The following GRB10 variants were observed in gnomAD, a reference collection of about 807,000 sequenced individuals.
The protein encoded by GRB10 is growth factor receptor bound protein 10.
Under a neutral mutation model 80.9 loss-of-function variants are expected in GRB10, and 20 were observed. The ratio of observed to expected loss-of-function variants is 0.25; its 90% confidence interval spans 0.17 to 0.36. The LOEUF is 0.36. Ranked by LOEUF, GRB10 falls within the 10% of genes least tolerant of loss-of-function variation. The pLI, the probability that GRB10 is intolerant of heterozygous loss-of-function variation, is 1.00. For missense variants in GRB10, 548 were observed against 747.7 expected (o/e 0.73, Z 3.12); for synonymous variants, 291 against 291.5 (o/e 1.00, Z 0.02).
intron 10 of GRB10, 73 bp from the exon 11 acceptor site, chr7:50,616,420 A>G (rs2050653087): frequency 7.2e-7 from 1 of 1,381,568 alleles, no homozygotes. Context: ...TTATCAGCAT[A>G]GCTGACATTT....
At chr7:50,672,628 C>G (rs1422206187) in intron 6 of GRB10, among the ~76,000 whole-genome samples, 1 of 152,160 alleles carries the variant, frequency 6.6e-6, no homozygotes, top group Non-Finnish European at 1.5e-5. Context: ...AGGGACTTAG[C>G]GCAGGTAGTC....
At chr7:50,767,748 AGCCACTAGGCCC>A (rs1442569005) in intron 2 of GRB10, among the ~76,000 whole-genome samples, 1 of 152,124 alleles carries the variant, frequency 6.6e-6, no homozygotes, top group Non-Finnish European at 1.5e-5. Context: ...CCCAGCAGTG[AGCCACTAGGCCC>A]GCCATGTTGG....
chr7:50,671,391 T>C (rs1417903587), intron 6 of GRB10, among the ~76,000 whole-genome samples: 6 of 152,324 alleles, frequency 3.9e-5, no homozygotes, highest in Admixed American at 2.6e-4. Context: ...TGTGACTGTA[T>C]TACTTTTTCT....
intron 17 of GRB10, among the ~76,000 whole-genome samples, chr7:50,600,460 GATAA>G (rs2047407147): frequency 6.6e-6 from 1 of 152,126 alleles, no homozygotes; most frequent in South Asian, 2.1e-4. Flanking sequence ...CAGCAGTGAG[GATAA>G]ATAAACCCAA....
At chr7:50,743,122 T>C (rs1193775578) in intron 3 of GRB10, among the ~76,000 whole-genome samples, 1 of 152,196 alleles carries the variant, frequency 6.6e-6, no homozygotes, top group Non-Finnish European at 1.5e-5. Flanking sequence ...CCACAATGCA[T>C]TGATGGGAGA....
At chr7:50,657,193 C>T (rs1259334859) in intron 7 of GRB10, among the ~76,000 whole-genome samples, 4 of 152,070 alleles carry the variant, frequency 2.6e-5, no homozygotes, top group Non-Finnish European at 4.4e-5. Context: ...GATAAAATGC[C>T]GAGGGGCCAG....
intron 17 of GRB10, among the ~76,000 whole-genome samples, chr7:50,596,858 T>C (rs1478383972): frequency 6.6e-6 from 1 of 152,122 alleles, no homozygotes; most frequent in Non-Finnish European, 1.5e-5. Flanking sequence ...TAAATTAGAA[T>C]AGCACAAAAA....
chr7:50,683,202 T>C (rs918239016), intron 5 of GRB10, among the ~76,000 whole-genome samples: 5 of 152,166 alleles, frequency 3.3e-5, no homozygotes, highest in Non-Finnish European at 5.9e-5. Context: ...GAGGACATAA[T>C]AAGCCAGTCA....
At chr7:50,776,693 G>A (rs2077688591) in intron 2 of GRB10, among the ~76,000 whole-genome samples, 1 of 152,194 alleles carries the variant, frequency 6.6e-6, no homozygotes, top group African/African-American at 2.4e-5. Flanking sequence ...CCTAGAGTAT[G>A]GGCACAATTC....
chr7:50,713,085 G>A (rs1292020234), intron 4 of GRB10, among the ~76,000 whole-genome samples: 2 of 152,172 alleles, frequency 1.3e-5, no homozygotes, highest in African/African-American at 4.8e-5. Flanking sequence ...TTGGCCGAAA[G>A]GGGGACAGCA....
At chr7:50,641,042 C>T (rs971455380) in intron 7 of GRB10, among the ~76,000 whole-genome samples, 4 of 152,118 alleles carry the variant, frequency 2.6e-5, no homozygotes, top group Middle Eastern at 3.2e-3. Context: ...CATGGGAACG[C>T]GGTCCTGCTG....
chr7:50,734,370 T>A (rs371320215), intron 3 of GRB10, among the ~76,000 whole-genome samples: 13 of 152,130 alleles, frequency 8.5e-5, no homozygotes, highest in East Asian at 3.9e-4. Flanking sequence ...TTCGCCCACA[T>A]CTCTGAGGGC....
chr7:50,605,206 G>C lies in GRB10; in HGVS notation c.1389+84C>G, dbSNP rs537592616. 2.3e-4 allele frequency: 236 copies of C among 1,022,634 alleles called. No homozygotes were observed. In the African/African-American group the frequency reaches 3.4e-3, roughly 15 times the overall value. 63.3% of individuals were successfully genotyped at this position (1,022,634 alleles called of 1,614,324 possible). Reference sequence around the variant, plus strand: ...GGCACCCCTCTTGCCAACCCGCATAGAGCTGTTCCTCTGGGAGAAGACCAC... The same window carrying C: ...GGCACCCCTCTTGCCAACCCGCATACAGCTGTTCCTCTGGGAGAAGACCAC... On this transcript the variant is annotated intron_variant, in intron 15 of 18. Transcript: ENST00000401949.
Position 50,618,093 on chromosome 7 carries a change from C to A in GRB10, c.824G>T (p.Gly275Val), listed in dbSNP as rs555920373. The change falls in exon 10 of 19, where the codon GGC (glycine) becomes GTC (valine). Residue 275 changes from glycine to valine, a missense_variant. By Grantham distance (109) the Gly-to-Val change is moderately radical. Transcript: ENST00000401949. ...QMVTWCQQSNGSQTQLLQNFL... is the reference protein window; with the variant it reads ...QMVTWCQQSNVSQTQLLQNFL... ...TACCTGCAAAAGCTGGGTTTGACTGCCATTTGACTGCTGGCACCAAGTAAC... is the reference window on the plus strand; with the variant it reads ...TACCTGCAAAAGCTGGGTTTGACTGACATTTGACTGCTGGCACCAAGTAAC... 6.2e-7 allele frequency: 1 copy of A among 1,613,954 alleles called. No homozygotes were observed. Among genetic ancestry groups the A allele is most frequent in the South Asian group, 1.1e-5 (1 of 91,088 alleles).
intron 13 of GRB10, among the ~76,000 whole-genome samples, chr7:50,607,250 T>C (rs2048705630): frequency 6.6e-6 from 1 of 152,232 alleles, no homozygotes; most frequent in African/African-American, 2.4e-5. Context: ...TCCGCATCTT[T>C]GTTTGTTTAC....
chr7:50,688,805 G>A (rs1446280560), intron 5 of GRB10, among the ~76,000 whole-genome samples: 1 of 152,166 alleles, frequency 6.6e-6, no homozygotes, highest in East Asian at 1.9e-4. Context: ...GGGCAGAGGT[G>A]GAGCAGATGT....
intron 2 of GRB10, among the ~76,000 whole-genome samples, chr7:50,758,212 G>C (rs917731945): frequency 6.6e-6 from 1 of 152,158 alleles, no homozygotes; most frequent in African/African-American, 2.4e-5. Context: ...GCCTCATCTG[G>C]CACCGACACC....
rs908392189 is a variant in GRB10 at position 50,639,717 on chromosome 7, T to C, written c.505-12739A>G. Among the ~76,000 whole-genome samples, 6 of 150,814 alleles carry C rather than the reference T, an allele frequency of 4.0e-5. No individual in the cohort carries two copies. In the East Asian group the frequency reaches 9.7e-4, roughly 24 times the overall value. On this transcript the variant is annotated intron_variant, in intron 7 of 18. Transcript: ENST00000401949. The stretch of plus-strand genomic sequence containing the variant: ...CAACCATGGTTTTCAGAGACCCTAA[T>C]AGGACTTTCCACAGTGAACAAGTCT...
intron 7 of GRB10, among the ~76,000 whole-genome samples, chr7:50,643,566 G>A (rs1317846724): frequency 6.6e-6 from 1 of 152,118 alleles, no homozygotes; most frequent in Non-Finnish European, 1.5e-5. Context: ...ATGAACAATC[G>A]GGGAAACCTG....
Sources: allele counts gnomAD v4.1 joint callset (sites outside exome capture counted in the v4.1 genomes callset), GRCh38; gene constraint gnomAD v4.1.1; transcripts MANE v1.5; gene names NCBI Gene and HGNC (gene_info 2026-07-23, HGNC 2026-07-21).